Variants in ESR1 observed in about 807,000 individuals in gnomAD.
ESR1 encodes estrogen receptor.
Under a neutral mutation model 52.7 loss-of-function variants are expected in ESR1, and 12 were observed. That is an observed-to-expected ratio of 0.23 (90% CI 0.15 to 0.37). The LOEUF is 0.37. Among genes scored for constraint, ESR1 ranks in the 10% least tolerant of loss-of-function variants. The pLI, the probability that ESR1 is intolerant of heterozygous loss-of-function variation, is 1.00. For missense variants in ESR1, 584 were observed against 779.7 expected, an observed-to-expected ratio of 0.75 and a Z score of 2.99; for synonymous variants, 305 against 316.8, an observed-to-expected ratio of 0.96 and a Z score of 0.39.
intron 2 of ESR1, among the ~76,000 whole-genome samples, chr6:151,867,233 A>C (rs143441557): frequency 7.4e-4 from 112 of 152,362 alleles, no homozygotes; most frequent in African/African-American, 2.6e-3. Context: ...AAATACCAAA[A>C]GCAATGGCAA....
chr6:152,030,630 T>A (rs1584906941), intron 5 of ESR1, among the ~76,000 whole-genome samples: 1 of 152,206 alleles, frequency 6.6e-6, no homozygotes, highest in East Asian at 1.9e-4. Context: ...GCACCCAGAT[T>A]CATAAAGCAA....
upstream of ESR1, among the ~76,000 whole-genome samples, chr6:151,689,496 A>G (rs1263703364): frequency 6.6e-6 from 1 of 152,250 alleles, no homozygotes; most frequent in Non-Finnish European, 1.5e-5. Flanking sequence ...TACATATTTA[A>G]ATTATTTTAT....
intron 5 of ESR1, among the ~76,000 whole-genome samples, chr6:152,060,388 A>G (rs1054582634): frequency 4.6e-5 from 7 of 152,054 alleles, no homozygotes; most frequent in African/African-American, 1.7e-4. Flanking sequence ...GGAGGCATTC[A>G]CATCTCTGCT....
intron 2 of ESR1, among the ~76,000 whole-genome samples, chr6:151,779,749 C>T (rs1454319129): frequency 6.6e-6 from 1 of 151,820 alleles, no homozygotes; most frequent in East Asian, 1.9e-4. Flanking sequence ...GCACTATTCA[C>T]AATAGCAAAG....
upstream of ESR1, among the ~76,000 whole-genome samples, chr6:151,802,178 G>T (rs948579767): frequency 6.6e-6 from 1 of 152,060 alleles, no homozygotes; most frequent in Non-Finnish European, 1.5e-5. Context: ...AAAACTCAAG[G>T]TCAGGTGAAA....
rs11407983 is a variant in ESR1 at position 151,827,344 on chromosome 6, CA to C, written c.453-15238del. On this transcript the variant is annotated intron_variant, in intron 1 of 7. Transcript: ENST00000206249. ...AGGGTGACAGAGCGAGACCCTGTCT[CA>C]AAAAAAAAAAAAAAGAAAAAGAAAA... 5.5e-3 allele frequency among the ~76,000 whole-genome samples: 417 copies of C among 75,816 alleles called. 4 individuals carry two copies. Among genetic ancestry groups the C allele is most frequent in the East Asian group, 0.042 (132 of 3,130 alleles). The allele number at this position is 75,816 out of a possible 152,430, so 49.7% of individuals were successfully genotyped here.
At chr6:151,808,425 AG>A in intron 1 of ESR1, 61 bp downstream of exon 1, 1 of 227,922 alleles carries the variant, frequency 4.4e-6, no homozygotes, top group Non-Finnish European at 8.3e-6. Context: ...GGAGGGAGGG[AG>A]GGAGGGAGAA....
At position 151,822,740 on chromosome 6, in the gene ESR1, A is replaced by G. The variant is rs111330498; in HGVS notation, c.452+14376A>G. 6.8e-4 allele frequency among the ~76,000 whole-genome samples: 103 copies of G among 152,298 alleles called. 1 individual carries two copies. Among genetic ancestry groups the G allele is most frequent in the African/African-American group, 2.3e-3 (97 of 41,558 alleles). On this transcript the variant is annotated intron_variant, in intron 1 of 7. Coordinates refer to ENST00000206249, the MANE Select transcript of ESR1 (RefSeq NM_000125.4). ...GAGTTTCTTTTTGGTAACCTAAGCT[A>G]TGTGAATCAGAAGGTTCATTAGCTT...
At chr6:151,946,156 A>G (rs1001491417) in intron 4 of ESR1, among the ~76,000 whole-genome samples, 1 of 152,196 alleles carries the variant, frequency 6.6e-6, no homozygotes, top group African/African-American at 2.4e-5. Flanking sequence ...TTCTTATATT[A>G]TAGGGAAAGA....
chr6:151,766,697 T>C (rs1377258339), intron 2 of ESR1, among the ~76,000 whole-genome samples: 1 of 152,176 alleles, frequency 6.6e-6, no homozygotes, highest in Non-Finnish European at 1.5e-5. Flanking sequence ...TAATATACTC[T>C]TTAGTTCTTT....
chr6:151,938,653 C>A (rs1286430542), intron 3 of ESR1, among the ~76,000 whole-genome samples: 1 of 152,192 alleles, frequency 6.6e-6, no homozygotes, highest in Non-Finnish European at 1.5e-5. Context: ...CTCTCCCTTT[C>A]CTCCTCATTC....
exon 7 of ESR1, chr6:152,125,332 G>C (rs1473107167): frequency 6.5e-7 from 1 of 1,550,214 alleles, no homozygotes; most frequent in Admixed American, 2.0e-5. Context: ...GGAAACAAGT[G>C]GTTTCCTCGT....
In ESR1 at chr6:152,070,164, C is replaced by T. The variant is rs9341030; in HGVS notation, c.1369+9040C>T. Among the ~76,000 whole-genome samples, 42 of 136,540 alleles carry T rather than the reference C, an allele frequency of 3.1e-4. 5 individuals carry two copies. Among genetic ancestry groups the T allele is most frequent in the Non-Finnish European group, 5.3e-4 (35 of 66,552 alleles). The allele number at this position is 136,540 out of a possible 152,430, so 89.6% of individuals were successfully genotyped here. On this transcript the variant is annotated intron_variant, in intron 6 of 7. Coordinates refer to ENST00000206249, the MANE Select transcript of ESR1 (RefSeq NM_000125.4). ...GTGCAAAAACCTAAGTTAATATCAC[C>T]ATTTCTGTAGTACTCTCTATTTCAA...
chr6:151,743,108 C>T (rs906870863), intron 2 of ESR1, among the ~76,000 whole-genome samples: 19 of 152,128 alleles, frequency 1.2e-4, no homozygotes, highest in African/African-American at 3.9e-4. Flanking sequence ...CAGGGGCTTC[C>T]GGTGAATTCC....
At chr6:152,084,420 A>G (rs1585172924) in intron 6 of ESR1, among the ~76,000 whole-genome samples, 1 of 139,992 alleles carries the variant, frequency 7.1e-6, no homozygotes, top group East Asian at 2.3e-4. Flanking sequence ...TTAAAGTATA[A>G]TAAAAAAAAA....
intron 2 of ESR1, among the ~76,000 whole-genome samples, chr6:151,866,844 GT>G (rs1378633907): frequency 1.3e-5 from 2 of 152,142 alleles, no homozygotes; most frequent in Non-Finnish European, 2.9e-5. Context: ...TATATACCCA[GT>G]AATGGGATGG....
upstream of ESR1, among the ~76,000 whole-genome samples, chr6:151,802,339 C>T (rs1777337545): frequency 6.6e-6 from 1 of 152,150 alleles, no homozygotes; most frequent in South Asian, 2.1e-4. Context: ...AGCTTCCAAA[C>T]AGAGCATTTA....
intron 6 of ESR1, among the ~76,000 whole-genome samples, chr6:152,087,512 C>G (rs185602917): frequency 2.0e-5 from 3 of 152,224 alleles, no homozygotes; most frequent in African/African-American, 7.2e-5. Context: ...ATGCTGGGTC[C>G]ACGAACATGT....
chr6:151,671,210 G>T (rs6931890), intron 1 of ESR1, among the ~76,000 whole-genome samples: 10,387 of 152,202 alleles, frequency 0.068, 622 homozygotes, highest in African/African-American at 0.17. Context: ...TAAAATCAGT[G>T]TCAAAGGTTT....
Sources: gnomAD v4.1 joint callset for allele counts (sites outside exome capture counted in the v4.1 genomes callset) on GRCh38, gnomAD v4.1.1 for gene constraint, MANE v1.5 for transcripts, NCBI Gene and HGNC (gene_info 2026-07-23, HGNC 2026-07-21) for gene names.